The following AGMO variants were observed in gnomAD, a reference collection of about 807,000 sequenced individuals.
AGMO encodes the protein glyceryl-ether monooxygenase.
A neutral mutation model predicts 60.2 loss-of-function variants in AGMO; 75 were observed. The ratio of observed to expected loss-of-function variants is 1.25; its 90% CI spans 1.03 to 1.51. The LOEUF is 1.51. AGMO is among the 40% of genes most tolerant of loss of function. AGMO has a pLI of 0.00. For synonymous variants in AGMO, 261 were observed against 177.1 expected, an observed-to-expected ratio of 1.47 and a Z score of -3.76; for missense variants, 763 against 525.5, an observed-to-expected ratio of 1.45 and a Z score of -4.42.
chr7:15,209,763 C>A (rs1226620195), intron 12 of AGMO, among the ~76,000 whole-genome samples: 2 of 152,130 alleles, frequency 1.3e-5, no homozygotes, highest in African/African-American at 4.8e-5. Flanking sequence ...CCTAAGAAAG[C>A]CACAGCTGCT....
chr7:15,341,300 T>C (rs779938491), intron 12 of AGMO, among the ~76,000 whole-genome samples: 1 of 152,168 alleles, frequency 6.6e-6, no homozygotes, highest in Non-Finnish European at 1.5e-5. Flanking sequence ...TAGAAATTTC[T>C]CCCACCAGAT....
chr7:15,439,120 C>G (rs368365449), intron 3 of AGMO, among the ~76,000 whole-genome samples: 1 of 152,082 alleles, frequency 6.6e-6, no homozygotes, highest in African/African-American at 2.4e-5. Context: ...AGAACATGAC[C>G]GGGCACAGTG....
rs1016842009 is a variant in AGMO at position 15,239,696 on chromosome 7, T to C, written c.1264-38337A>G. Among the ~76,000 whole-genome samples the C allele has an allele frequency of 6.7e-4, 102 of 152,142 alleles. 1 individual carries two copies. The highest frequency in any genetic ancestry group is 2.4e-3 in the African/African-American group (98 of 41,440). On this transcript the variant is annotated intron_variant, in intron 12 of 12. Transcript: ENST00000342526. ...CCAATGAGGATAATTTGTAAATCAA[T>C]CAGGGCGTTTTACAATTTCATTTGC...
At chr7:15,367,373 G>T (rs748822966) in intron 10 of AGMO, among the ~76,000 whole-genome samples, 1 of 151,688 alleles carries the variant, frequency 6.6e-6, no homozygotes, top group South Asian at 2.1e-4. Flanking sequence ...CTATTTTACA[G>T]CTTCTATGGC....
chr7:15,124,686 A>G, the AGMO span, among the ~76,000 whole-genome samples: 1 of 152,116 alleles, frequency 6.6e-6, no homozygotes, highest in East Asian at 1.9e-4. Context: ...ATAACTAAAG[A>G]TGGACATGTT....
rs1185029793 is a variant in AGMO, at chr7:15,431,730, A to C, written c.410-622T>G. On this transcript the variant is annotated intron_variant, in intron 3 of 12. Coordinates refer to ENST00000342526, the MANE Select transcript of AGMO (RefSeq NM_001004320.2). ...TTTCCCATACCTTACCAAAATACTA[A>C]ACCATTTCTAAATTTTTCCACATAG... 3.3e-5 allele frequency among the ~76,000 whole-genome samples: 5 copies of C among 151,872 alleles called. No individual in the cohort carries two copies. In the East Asian group the frequency reaches 9.6e-4, roughly 29 times the overall value.
At chr7:15,396,368 G>A (rs930213003) in intron 5 of AGMO, 3 of 152,226 alleles carry the variant, frequency 2.0e-5, no homozygotes, top group South Asian at 4.1e-4. Flanking sequence ...TCTTCACAGT[G>A]AGTGTTACAG....
intron 9 of AGMO, among the ~76,000 whole-genome samples, chr7:15,386,173 G>GA (rs200171986): frequency 2.1e-4 from 25 of 118,296 alleles, no homozygotes; most frequent in Non-Finnish European, 3.3e-4. Flanking sequence ...AGTCCCAAAA[G>GA]AAAAAAAAAG....
chr7:15,500,838 TC>T (rs1783366173), intron 3 of AGMO, among the ~76,000 whole-genome samples: 1 of 151,960 alleles, frequency 6.6e-6, no homozygotes, highest in African/African-American at 2.4e-5. Context: ...GCTCTAAGGT[TC>T]CCTCTTAACA....
the AGMO span, among the ~76,000 whole-genome samples, chr7:15,181,951 T>C: frequency 3.3e-5 from 5 of 152,128 alleles, no homozygotes; most frequent in Admixed American, 6.5e-5. Context: ...AGCCAAAATG[T>C]GGAAGCAACC....
intron 3 of AGMO, among the ~76,000 whole-genome samples, chr7:15,462,248 C>T (rs1339209505): frequency 1.3e-5 from 2 of 152,086 alleles, no homozygotes; most frequent in African/African-American, 2.4e-5. Flanking sequence ...AGCTCAAGAA[C>T]TGTCAGTTGA....
chr7:15,202,058 TG>T (rs1343249083), intron 12 of AGMO, among the ~76,000 whole-genome samples: 1 of 152,094 alleles, frequency 6.6e-6, no homozygotes, highest in Non-Finnish European at 1.5e-5. Flanking sequence ...ACTATAGGAT[TG>T]CTTTCCTGAT....
chr7:15,361,867 C>T (rs755979131), intron 12 of AGMO, among the ~76,000 whole-genome samples: 10 of 152,026 alleles, frequency 6.6e-5, no homozygotes, highest in Non-Finnish European at 1.3e-4. Flanking sequence ...TAAAATAATA[C>T]AACAGAAAAC....
At chr7:15,388,725 A>C (rs1369084009) in intron 8 of AGMO, among the ~76,000 whole-genome samples, 1 of 152,222 alleles carries the variant, frequency 6.6e-6, no homozygotes. Context: ...AGTTGCTTTG[A>C]TGCCTCTGCA....
intron 5 of AGMO, among the ~76,000 whole-genome samples, chr7:15,395,310 T>G (rs1216845005): frequency 3.3e-5 from 5 of 152,112 alleles, no homozygotes; most frequent in Admixed American, 6.6e-5. Context: ...GATAAGTCAG[T>G]GTCACGGGAA....
At chr7:15,204,484 A>G (rs1329483221) in intron 12 of AGMO, among the ~76,000 whole-genome samples, 1 of 152,166 alleles carries the variant, frequency 6.6e-6, no homozygotes, top group African/African-American at 2.4e-5. Context: ...ATTTGTCTCT[A>G]ATCTACATAT....
chr7:15,121,311 A>G, the AGMO span, among the ~76,000 whole-genome samples: 1 of 152,150 alleles, frequency 6.6e-6, no homozygotes, highest in African/African-American at 2.4e-5. Context: ...TAGTAGAATG[A>G]TTCATAATCC....
At chr7:15,462,389 T>C (rs765196148) in intron 3 of AGMO, among the ~76,000 whole-genome samples, 6 of 152,328 alleles carry the variant, frequency 3.9e-5, no homozygotes, top group Non-Finnish European at 7.4e-5. Flanking sequence ...TCAAATTTAT[T>C]ATTTTGCTGG....
chr7:15,480,977 CATT>C (rs1002562862), intron 3 of AGMO, among the ~76,000 whole-genome samples: 2 of 151,930 alleles, frequency 1.3e-5, no homozygotes, highest in Non-Finnish European at 2.9e-5. Flanking sequence ...AATGTATAAA[CATT>C]ATGTTTATAC....
Sources: allele counts gnomAD v4.1 joint callset (sites outside exome capture counted in the v4.1 genomes callset), GRCh38; gene constraint gnomAD v4.1.1; transcripts MANE v1.5; gene names NCBI Gene and HGNC (gene_info 2026-07-23, HGNC 2026-07-21).